TNRC6B: variants seen among roughly 807,000 people sequenced by gnomAD.
The protein encoded by TNRC6B is trinucleotide repeat-containing gene 6B protein.
TNRC6B carries 52 observed loss-of-function variants against 203.6 expected under a neutral mutation model. The observed-to-expected ratio is 0.26, with a 90% CI of 0.20 to 0.32. The LOEUF is 0.32. Ranked by LOEUF, TNRC6B falls within the 10% of genes least tolerant of loss-of-function variation. The pLI, the probability that TNRC6B is intolerant of heterozygous loss-of-function variation, is 1.00. For synonymous variants in TNRC6B, 838 were observed against 845.7 expected, an observed-to-expected ratio of 0.99 and a Z score of 0.16; for missense variants, 1,923 against 2,286.2, an observed-to-expected ratio of 0.84 and a Z score of 3.24.
chr22:40,135,332 T>C (rs2068590618), intron 3 of TNRC6B, among the ~76,000 whole-genome samples: 1 of 152,148 alleles, frequency 6.6e-6, no homozygotes, highest in Non-Finnish European at 1.5e-5. Flanking sequence ...TATGAGATCA[T>C]CTTTCATCCA....
At chr22:40,077,794 TGGA>T (rs1444078676) in intron 1 of TNRC6B, among the ~76,000 whole-genome samples, 3 of 152,152 alleles carry the variant, frequency 2.0e-5, no homozygotes, top group Non-Finnish European at 4.4e-5. Context: ...TATACACACT[TGGA>T]GAAGTTTTTT....
At chr22:40,062,899 C>G (rs987862602) in intron 1 of TNRC6B, among the ~76,000 whole-genome samples, 1 of 151,630 alleles carries the variant, frequency 6.6e-6, no homozygotes, top group African/African-American at 2.4e-5. Context: ...TCCTAATCTG[C>G]AGGTTGATGC....
At chr22:40,273,382 T>C (rs749019879) in intron 6 of TNRC6B, 43 bp from the exon 7 acceptor site, 3 of 1,502,322 alleles carry the variant, frequency 2.0e-6, no homozygotes, top group South Asian at 2.6e-5. Context: ...GATGATTGTT[T>C]TATATAGCTG....
intron 1 of TNRC6B, among the ~76,000 whole-genome samples, chr22:40,109,312 C>T (rs1186619165): frequency 6.6e-6 from 1 of 152,128 alleles, no homozygotes; most frequent in Non-Finnish European, 1.5e-5. Flanking sequence ...AATGGGATTG[C>T]TGGGTCAAAT....
intron 1 of TNRC6B, among the ~76,000 whole-genome samples, chr22:40,228,781 C>T (rs1181677522): frequency 6.6e-6 from 1 of 152,004 alleles, no homozygotes; most frequent in African/African-American, 2.4e-5. Context: ...ACCTCGGCCT[C>T]CCAAAGTGCT....
In TNRC6B at chr22:40,333,324, A is replaced by G. The variant is rs1402909423; in HGVS notation, c.*10083A>G. On this transcript the variant is annotated 3_prime_UTR_variant, in exon 23 of 23. Transcript: ENST00000454349. Reference sequence around the variant, plus strand: ...TGCACTCCAGTGTGGGCAACAGAGCAAGACTTCGACTCAAAAACATAAAAT... The same window carrying G: ...TGCACTCCAGTGTGGGCAACAGAGCGAGACTTCGACTCAAAAACATAAAAT... 3 of 152,484 alleles carry G rather than the reference A, an allele frequency of 2.0e-5. No homozygotes were observed. Among genetic ancestry groups the G allele is most frequent in the Non-Finnish European group, 4.4e-5 (3 of 68,060 alleles). 9.4% of individuals were successfully genotyped at this position (152,484 alleles called of 1,614,324 possible).
intron 1 of TNRC6B, among the ~76,000 whole-genome samples, chr22:40,214,507 C>T (rs2069607855): frequency 6.6e-6 from 1 of 151,630 alleles, no homozygotes; most frequent in Non-Finnish European, 1.5e-5. Flanking sequence ...AATGGGCATA[C>T]AGAATCTCTG....
At position 40,264,749 on chromosome 22, in the gene TNRC6B, C is replaced by T. The variant is rs1273187898; in HGVS notation, c.519C>T (p.Ala173=). 2 of 1,611,160 alleles carry T rather than the reference C, an allele frequency of 1.2e-6. No individual in the cohort carries two copies. The highest frequency in any genetic ancestry group is 1.7e-5 in the Admixed American group (1 of 59,682). The part of the protein sequence containing the change: ...NYANSTWGSG[A]SSNNGTSPNP... ...CAAATTCCACTTGGGGCTCGGGAGCCTCCTCCAACAACGGCACCTCCCCCA... is the reference window on the plus strand; with the variant it reads ...CAAATTCCACTTGGGGCTCGGGAGCTTCCTCCAACAACGGCACCTCCCCCA... Residue 173 remains alanine, a synonymous_variant, in exon 5 of 23, where the codon GCC becomes GCT. Coordinates refer to ENST00000454349, the MANE Select transcript of TNRC6B (RefSeq NM_001162501.2).
chr22:40,218,332 T>C (rs1396185712), intron 1 of TNRC6B, among the ~76,000 whole-genome samples: 1 of 137,786 alleles, frequency 7.3e-6, no homozygotes, highest in African/African-American at 2.6e-5. Context: ...TTCTTTTTTT[T>C]TTTTTTTTTT....
intron 19 of TNRC6B, among the ~76,000 whole-genome samples, chr22:40,313,778 C>A (rs2071220310): frequency 6.6e-6 from 1 of 152,238 alleles, no homozygotes; most frequent in African/African-American, 2.4e-5. Context: ...GCAACAATAA[C>A]CTACCACTCA....
intron 3 of TNRC6B, among the ~76,000 whole-genome samples, chr22:40,135,715 C>G (rs886485649): frequency 6.6e-6 from 1 of 152,134 alleles, no homozygotes; most frequent in Non-Finnish European, 1.5e-5. Flanking sequence ...GTTGGCCAGG[C>G]TGGTCTCAAA....
intron 1 of TNRC6B, among the ~76,000 whole-genome samples, chr22:40,208,941 T>G (rs4820408): frequency 0.68 from 103,300 of 152,164 alleles, 36,822 homozygotes; most frequent in African/African-American, 0.9. Flanking sequence ...GGCGTCTGCC[T>G]CTGTAGACAT....
rs534196599 is a variant in TNRC6B, at chr22:40,185,094, G to A, written c.5+6954G>A. Among the ~76,000 whole-genome samples the A allele has an allele frequency of 5.6e-4, 85 of 152,264 alleles. 1 individual carries two copies. In the South Asian group the frequency reaches 6.8e-3, roughly 12 times the overall value. ...AAACCTCTGCCTCCCGGGTTCAAGC[G>A]ATTCTCCTGTCTCAGCCTCCCGAGT... On this transcript the variant is annotated intron_variant, in intron 1 of 22. Transcript: ENST00000454349.
At chr22:40,141,425 T>C (rs1458044020) in intron 3 of TNRC6B, among the ~76,000 whole-genome samples, 1 of 152,102 alleles carries the variant, frequency 6.6e-6, no homozygotes, top group Non-Finnish European at 1.5e-5. Flanking sequence ...CTCGAACTCC[T>C]GACCTCAAGT....
At chr22:40,206,378 G>T (rs372441169) in intron 1 of TNRC6B, among the ~76,000 whole-genome samples, 4 of 152,186 alleles carry the variant, frequency 2.6e-5, no homozygotes, top group East Asian at 1.9e-4. Flanking sequence ...AGAAATGTGG[G>T]ACCAGACCTG....
chr22:40,313,007 T>C lies in TNRC6B; in HGVS notation c.4678+10T>C. On this transcript the variant is annotated intron_variant, in intron 19 of 22. Coordinates refer to ENST00000454349, the MANE Select transcript of TNRC6B (RefSeq NM_001162501.2). ...GTTCATAGCACTTCAGGTATGAGTG[T>C]GAATTTTTTGTTTCCCTTTGGTTAG... 1 of 1,608,768 alleles carries C rather than the reference T, an allele frequency of 6.2e-7. No individual in the cohort carries two copies. The highest frequency in any genetic ancestry group is 1.1e-5 in the South Asian group (1 of 90,388).
chr22:40,308,626 A>C lies in TNRC6B; in HGVS notation c.4235A>C (p.Gln1412Pro). The change falls in exon 16 of 23, where the codon CAG becomes CCG. Residue 1412 changes from glutamine (Q) to proline (P), a missense_variant. Gln to Pro is a moderately conservative substitution (Grantham distance 76). Transcript: ENST00000454349. ...GAGGGGCTGCCCTCTGTAGCCACAC[A>C]GGAAGCCAATATGCACAAAAATGGT... is the stretch of plus-strand genomic sequence containing the variant. ...MMEGLPSVATQEANMHKNGAI... is the reference protein window; with the variant it reads ...MMEGLPSVATPEANMHKNGAI... The C allele has an allele frequency of 6.2e-7, 1 of 1,613,636 alleles. No individual in the cohort carries two copies. The highest frequency in any genetic ancestry group is 8.5e-7 in the Non-Finnish European group (1 of 1,179,724).
chr22:40,235,392 C>T (rs1277124913), intron 1 of TNRC6B, among the ~76,000 whole-genome samples: 2 of 152,144 alleles, frequency 1.3e-5, no homozygotes, highest in African/African-American at 4.8e-5. Flanking sequence ...TTTTCCTGCA[C>T]ATTCAGGAAA....
At chr22:40,158,734 T>C (rs1461254139) in intron 4 of TNRC6B, among the ~76,000 whole-genome samples, 1 of 152,196 alleles carries the variant, frequency 6.6e-6, no homozygotes, top group African/African-American at 2.4e-5. Flanking sequence ...CTGTTCTATT[T>C]CTGTTTTCTT....
Sources: gnomAD v4.1 joint callset for allele counts (sites outside exome capture counted in the v4.1 genomes callset) on GRCh38, gnomAD v4.1.1 for gene constraint, MANE v1.5 for transcripts, NCBI Gene and HGNC (gene_info 2026-07-23, HGNC 2026-07-21) for gene names.